The following CNTN5 variants were observed in gnomAD, a reference collection of about 807,000 sequenced individuals.
CNTN5 encodes contactin 5.
A neutral mutation model predicts 129.1 loss-of-function variants in CNTN5; 77 were observed. The ratio of observed to expected loss-of-function variants is 0.60; its 90% confidence interval spans 0.50 to 0.72. CNTN5 has a LOEUF of 0.72. Ranked by LOEUF, CNTN5 falls within the 30% of genes least tolerant of loss-of-function variation. The pLI is 0.00. For synonymous variants in CNTN5, 509 were observed against 465.6 expected, an observed-to-expected ratio of 1.09 and a Z score of -1.20; for missense variants, 1,478 against 1,328.8, an observed-to-expected ratio of 1.11 and a Z score of -1.75.
Position 100,340,664 on chromosome 11 carries a change from C to A in CNTN5, c.2917+15C>A. ...CAAGAAATCCCGTAAGTGACCTGGGCTTTTTGTTTGTTTCAGACAAAGGGG... is the reference window on the plus strand; with the variant it reads ...CAAGAAATCCCGTAAGTGACCTGGGATTTTTGTTTGTTTCAGACAAAGGGG... On this transcript the variant is annotated intron_variant, in intron 22 of 24. Transcript: ENST00000524871. The A allele has an allele frequency of 3.8e-6, 6 of 1,576,364 alleles. No homozygotes were observed. Among genetic ancestry groups the A allele is most frequent in the Non-Finnish European group, 5.2e-6 (6 of 1,164,186 alleles).
Position 100,286,012 on chromosome 11 carries a change from C to T in CNTN5, c.2315-11613C>T, listed in dbSNP as rs1025255974. On this transcript the variant is annotated intron_variant, in intron 18 of 24. Transcript: ENST00000524871. ...GGGGTGACAGACGCACCTGGAAAATCGGGTCACTCCCACCCTAATACTGCG... is the reference window on the plus strand; with the variant it reads ...GGGGTGACAGACGCACCTGGAAAATTGGGTCACTCCCACCCTAATACTGCG... Among the ~76,000 whole-genome samples the T allele has an allele frequency of 2.6e-5, 4 of 152,206 alleles. No homozygotes were observed. The East Asian group carries it at 7.7e-4, about 29-fold the overall frequency.
chr11:99,427,909 A>T (rs1943203049), intron 2 of CNTN5, among the ~76,000 whole-genome samples: 3 of 152,066 alleles, frequency 2.0e-5, no homozygotes, highest in Admixed American at 2.0e-4. Flanking sequence ...ATCTCTAGAA[A>T]GACTATTATT....
At chr11:99,979,791 T>C (rs1938218934) in intron 8 of CNTN5, among the ~76,000 whole-genome samples, 1 of 152,226 alleles carries the variant, frequency 6.6e-6, no homozygotes, top group Admixed American at 6.5e-5. Flanking sequence ...AAAGCACTGA[T>C]ATACTGCAGA....
intron 17 of CNTN5, among the ~76,000 whole-genome samples, chr11:100,260,973 T>C (rs1048287227): frequency 1.3e-5 from 2 of 151,946 alleles, no homozygotes; most frequent in Non-Finnish European, 2.9e-5. Flanking sequence ...AAGAAATAAA[T>C]GGTATTCAAA....
chr11:99,658,982 T>G (rs1565398751), intron 3 of CNTN5, among the ~76,000 whole-genome samples: 1 of 151,786 alleles, frequency 6.6e-6, no homozygotes, highest in Non-Finnish European at 1.5e-5. Context: ...TACACAACAT[T>G]TACAGGGCTG....
chr11:99,829,244 C>A (rs189639295), intron 4 of CNTN5, among the ~76,000 whole-genome samples: 1 of 152,248 alleles, frequency 6.6e-6, no homozygotes, highest in Admixed American at 6.5e-5. Context: ...TCATAATTTG[C>A]TATACATATG....
rs1022966265 is a variant in CNTN5 at position 100,134,085 on chromosome 11, T to C, written c.1581-57041T>C. On this transcript the variant is annotated intron_variant, in intron 13 of 24. Coordinates refer to ENST00000524871, the MANE Select transcript of CNTN5 (RefSeq NM_014361.4). ...GCTAAAGATACAAATAAATGATATC[T>C]TTAAACTCCTTAAATATATCAACAA... is the stretch of plus-strand genomic sequence containing the variant. Among the ~76,000 whole-genome samples, 5 of 152,078 alleles carry C rather than the reference T, an allele frequency of 3.3e-5. No individual in the cohort carries two copies. In the South Asian group the frequency reaches 8.3e-4, roughly 25 times the overall value.
chr11:100,338,538 A>G (rs541152716), intron 21 of CNTN5, among the ~76,000 whole-genome samples: 6 of 152,326 alleles, frequency 3.9e-5, no homozygotes, highest in African/African-American at 1.4e-4. Context: ...AAAAAAAAAG[A>G]ATTACTCTCT....
At chr11:99,118,546 A>G (rs946894559) in intron 1 of CNTN5, among the ~76,000 whole-genome samples, 2 of 152,110 alleles carry the variant, frequency 1.3e-5, no homozygotes, top group African/African-American at 4.8e-5. Flanking sequence ...ATTTGTGCAT[A>G]CAGTGTCAAC....
intron 6 of CNTN5, among the ~76,000 whole-genome samples, chr11:99,881,140 T>G (rs976471531): frequency 2.0e-5 from 3 of 152,194 alleles, no homozygotes; most frequent in Non-Finnish European, 4.4e-5. Flanking sequence ...TGTTTCTGGA[T>G]TGGTACAGGT....
intron 1 of CNTN5, among the ~76,000 whole-genome samples, chr11:99,067,922 A>G (rs151066743): frequency 1.4e-4 from 21 of 152,292 alleles, no homozygotes; most frequent in African/African-American, 4.8e-4. Flanking sequence ...TAATTGAATC[A>G]TAGGGGTGGT....
At chr11:100,019,343 C>A (rs2137556090) in intron 9 of CNTN5, among the ~76,000 whole-genome samples, 1 of 152,004 alleles carries the variant, frequency 6.6e-6, no homozygotes, top group Admixed American at 6.6e-5. Flanking sequence ...GATCAAAGTT[C>A]ATTATTTTCA....
chr11:100,281,522 A>T lies in CNTN5; in HGVS notation c.2314+10281A>T, dbSNP rs549572405. ...TTACTGTTTTTAGGATCTTTTCTTT[A>T]TCCTTGAGCTTTGGAAGTTTGATTA... On this transcript the variant is annotated intron_variant, in intron 18 of 24. Coordinates refer to ENST00000524871, the MANE Select transcript of CNTN5 (RefSeq NM_014361.4). Among the ~76,000 whole-genome samples, 4 of 151,870 alleles carry T rather than the reference A, an allele frequency of 2.6e-5. No homozygotes were observed. In the South Asian group the frequency reaches 8.3e-4, roughly 32 times the overall value.
chr11:99,183,638 C>T (rs1196548152), intron 1 of CNTN5, among the ~76,000 whole-genome samples: 1 of 152,016 alleles, frequency 6.6e-6, no homozygotes, highest in Non-Finnish European at 1.5e-5. Context: ...TGGTATTCTC[C>T]AAAGCTCTAT....
intron 2 of CNTN5, among the ~76,000 whole-genome samples, chr11:99,544,695 C>CT (rs1948234328): frequency 6.6e-6 from 1 of 151,932 alleles, no homozygotes; most frequent in Non-Finnish European, 1.5e-5. Context: ...TAACTGGTTC[C>CT]TAGGAGTCTG....
chr11:99,970,497 T>C (rs1409417668), intron 8 of CNTN5, among the ~76,000 whole-genome samples: 1 of 152,222 alleles, frequency 6.6e-6, no homozygotes, highest in East Asian at 1.9e-4. Flanking sequence ...GTCTCAATAA[T>C]GAACATGGGG....
At chr11:99,786,022 A>C in intron 3 of CNTN5, among the ~76,000 whole-genome samples, 1 of 151,830 alleles carries the variant, frequency 6.6e-6, no homozygotes, top group East Asian at 2.0e-4. Context: ...AGGCAAGAGA[A>C]AGAAATAAAG....
chr11:99,239,600 A>T (rs1469684326), intron 1 of CNTN5, among the ~76,000 whole-genome samples: 1 of 152,196 alleles, frequency 6.6e-6, no homozygotes, highest in Non-Finnish European at 1.5e-5. Flanking sequence ...TCCTGTACAG[A>T]TTCATCACTT....
At chr11:99,685,580 G>A (rs1953755115) in intron 3 of CNTN5, among the ~76,000 whole-genome samples, 2 of 150,912 alleles carry the variant, frequency 1.3e-5, no homozygotes, top group South Asian at 4.2e-4. Flanking sequence ...TTGTTTAACA[G>A]TTGTCTAATA....
Sources: allele counts gnomAD v4.1 joint callset (sites outside exome capture counted in the v4.1 genomes callset), GRCh38; gene constraint gnomAD v4.1.1; transcripts MANE v1.5; gene names NCBI Gene and HGNC (gene_info 2026-07-23, HGNC 2026-07-21).